The following SEC16B variants were observed in gnomAD, a reference collection of about 807,000 sequenced individuals.
The protein encoded by SEC16B is protein transport protein Sec16B.
In SEC16B, 115 loss-of-function variants were observed where a neutral mutation model predicts 141.8. The ratio of observed to expected loss-of-function variants is 0.81; its 90% CI spans 0.70 to 0.95. SEC16B has a LOEUF of 0.95. Ranked by LOEUF, SEC16B falls within the 40% of genes least tolerant of loss-of-function variation. SEC16B has a pLI of 0.00. For missense variants in SEC16B, 1,291 were observed against 1,312.3 expected (o/e 0.98, Z 0.25); for synonymous variants, 493 against 492.5 (o/e 1.00, Z -0.01).
chr1:177,942,225 A>T (rs1326211713), intron 15 of SEC16B, among the ~76,000 whole-genome samples, 185 bp from the exon 16 acceptor site: 1 of 152,238 alleles, frequency 6.6e-6, no homozygotes, highest in African/African-American at 2.4e-5. Context: ...TCCAGCCTGC[A>T]GTTCCTGCAT....
Position 177,965,130 on chromosome 1 carries a change from A to G in SEC16B, c.450T>C (p.Asp150=). The change falls in exon 4 of 26, where the codon GAT becomes GAC. Residue 150 remains aspartate (D), a synonymous_variant. Coordinates refer to ENST00000308284, the MANE Select transcript of SEC16B (RefSeq NM_033127.4). ...RQRSPYIWHE[D]YREQKYLDEH... ...CATCAAGGTACTTTTGCTCTCGGTAATCTTCGTGCCAGATATAAGGACTCC... is the reference window on the plus strand; with the variant it reads ...CATCAAGGTACTTTTGCTCTCGGTAGTCTTCGTGCCAGATATAAGGACTCC... 1 of 1,613,586 alleles carries G rather than the reference A, an allele frequency of 6.2e-7. No homozygotes were observed. Among genetic ancestry groups the G allele is most frequent in the East Asian group, 2.2e-5 (1 of 44,870 alleles).
rs760397098 is a variant in SEC16B at position 177,939,702 on chromosome 1, CTGT to C, written c.2200_2202del (p.Thr734del). On this transcript the variant is annotated inframe_deletion and splice_region_variant, in exon 18 of 26. Transcript: ENST00000308284. Reference sequence around the variant, plus strand: ...ATGCTCAGTTCATCATTTTGGGTACCTGTTGTTGTTCCTCCGGCTCCCGAAATA... The same window carrying C: ...ATGCTCAGTTCATCATTTTGGGTACCTGTTGTTCCTCCGGCTCCCGAAATA... 10 of 1,587,750 alleles carry C rather than the reference CTGT, an allele frequency of 6.3e-6. No individual in the cohort carries two copies. The highest frequency in any genetic ancestry group is 7.7e-6 in the Non-Finnish European group (9 of 1,164,630).
intron 10 of SEC16B, among the ~76,000 whole-genome samples, chr1:177,957,581 A>C (rs886912293): frequency 6.6e-6 from 1 of 152,176 alleles, no homozygotes; most frequent in African/African-American, 2.4e-5. Flanking sequence ...ATATTTTGGT[A>C]CAGGCATGCA....
At chr1:177,953,704 C>A (rs574083521) in intron 11 of SEC16B, among the ~76,000 whole-genome samples, 11 of 152,334 alleles carry the variant, frequency 7.2e-5, no homozygotes, top group Non-Finnish European at 1.5e-4. Flanking sequence ...TCCACGCTGG[C>A]ACCCAGATCA....
At position 177,965,997 on chromosome 1, in the gene SEC16B, T is replaced by A. The variant is rs766390904; in HGVS notation, c.308A>T (p.Tyr103Phe). 1 of 1,572,662 alleles carries A rather than the reference T, an allele frequency of 6.4e-7. No individual in the cohort carries two copies. The highest frequency in any genetic ancestry group is 8.7e-7 in the Non-Finnish European group (1 of 1,154,024). Residue 103 changes from tyrosine to phenylalanine, a missense_variant, in exon 3 of 26, where the codon TAT (tyrosine) becomes TTT (phenylalanine). Physicochemically the swap from Tyr to Phe is conservative, Grantham distance 22 (BLOSUM62 3). Transcript: ENST00000308284. ...YRNQLYSRPGYENSYQSYQSP... is the reference protein window; with the variant it reads ...YRNQLYSRPGFENSYQSYQSP... ...CTGATAGCTCTGATATGAATTCTCA[T>A]AACCTGGCCTAAAATATCACAAAGA...
In SEC16B at chr1:177,933,331, A is replaced by G; in HGVS notation, c.2725-19T>C. The G allele has an allele frequency of 6.3e-7, 1 of 1,584,880 alleles. No homozygotes were observed. The highest frequency in any genetic ancestry group is 8.6e-7 in the Non-Finnish European group (1 of 1,164,808). ...CTGAGCTCTGGAAGGGGAAGAGGAC[A>G]TTTTATGACCTGCAGGTTGGCTTCT... On this transcript the variant is annotated intron_variant, in intron 21 of 25. Coordinates refer to ENST00000308284, the MANE Select transcript of SEC16B (RefSeq NM_033127.4).
chr1:177,954,181 T>A, intron 11 of SEC16B, 98 bp downstream of exon 11: 1 of 786,048 alleles, frequency 1.3e-6, no homozygotes, highest in Non-Finnish European at 2.1e-6. Context: ...AGTGTGAGTC[T>A]CCTTAGCGCG....
At chr1:177,978,105 C>T (rs1654248991) in intron 1 of SEC16B, among the ~76,000 whole-genome samples, 1 of 152,150 alleles carries the variant, frequency 6.6e-6, no homozygotes, top group South Asian at 2.1e-4. Context: ...ATTGAGAGCT[C>T]AGGCTTTGCA....
At chr1:177,930,506 G>T in intron 25 of SEC16B, 39 bp downstream of exon 25, 1 of 1,440,794 alleles carries the variant, frequency 6.9e-7, no homozygotes, top group Non-Finnish European at 9.7e-7. Flanking sequence ...TCCAAAACCT[G>T]TACTCCTGGC....
chr1:177,949,057 G>T (rs907177815), intron 12 of SEC16B, among the ~76,000 whole-genome samples: 1 of 151,984 alleles, frequency 6.6e-6, no homozygotes, highest in East Asian at 1.9e-4. Context: ...CTAAGATTTG[G>T]AGTTAAAACC....
chr1:177,939,684 G>A lies in SEC16B; in HGVS notation c.2203+18C>T, dbSNP rs1459526348. 2.6e-6 allele frequency: 4 copies of A among 1,559,982 alleles called. No homozygotes were observed. Among genetic ancestry groups the A allele is most frequent in the African/African-American group, 1.4e-5 (1 of 73,896 alleles). On this transcript the variant is annotated intron_variant, in intron 18 of 25. Transcript: ENST00000308284. ...TGAGCGTCAGCTATGTATATGCTCA[G>A]TTCATCATTTTGGGTACCTGTTGTT...
Position 177,967,906 on chromosome 1 carries a change from C to T in SEC16B, c.76G>A (p.Gly26Arg). The T allele has an allele frequency of 6.2e-7, 1 of 1,614,012 alleles. No individual in the cohort carries two copies. Among genetic ancestry groups the T allele is most frequent in the Non-Finnish European group, 8.5e-7 (1 of 1,179,888 alleles). The change falls in exon 2 of 26, where the codon GGG becomes AGG. Residue 26 changes from glycine (G) to arginine (R), a missense_variant. This residue lies in a region of SEC16B where 681 missense variants were observed against 675.5 expected (regional missense o/e 1.01). Transcript: ENST00000308284. ...ATAPSKDPDR[G>R]FRRDGHHRPV... Reference sequence around the variant, plus strand: ...CGATGATGTCCATCTCTCCGAAACCCTCGGTCTGGATCCTTTGAGGGTGCT... The same window carrying T: ...CGATGATGTCCATCTCTCCGAAACCTTCGGTCTGGATCCTTTGAGGGTGCT...
chr1:177,970,433 C>T (rs1485141125), upstream of SEC16B, among the ~76,000 whole-genome samples: 1 of 152,160 alleles, frequency 6.6e-6, no homozygotes, highest in Non-Finnish European at 1.5e-5. Context: ...GTTGGTAAAG[C>T]AGCACATGAT....
intron 15 of SEC16B, among the ~76,000 whole-genome samples, chr1:177,944,000 T>G (rs1651479648): frequency 6.6e-6 from 1 of 152,172 alleles, no homozygotes; most frequent in Non-Finnish European, 1.5e-5. Context: ...GAATGTAAGG[T>G]GACAACAGCA....
chr1:177,975,330 C>T (rs1654129808), intron 1 of SEC16B, among the ~76,000 whole-genome samples: 1 of 152,154 alleles, frequency 6.6e-6, no homozygotes, highest in Non-Finnish European at 1.5e-5. Flanking sequence ...TGAATGGACA[C>T]CTTAAATGTA....
rs115831315 is a variant in SEC16B at position 177,950,271 on chromosome 1, G to T, written c.1545+1643C>A. 8.1e-3 allele frequency among the ~76,000 whole-genome samples: 1,232 copies of T among 152,222 alleles called. 21 individuals are homozygous for T. The highest frequency in any genetic ancestry group is 0.028 in the African/African-American group (1,176 of 41,514). ...CAAAAGTAATGGAGATTGGACAGACGTGCCTCCATGTCCCGGGAAGCCAAG... is the reference window on the plus strand; with the variant it reads ...CAAAAGTAATGGAGATTGGACAGACTTGCCTCCATGTCCCGGGAAGCCAAG... On this transcript the variant is annotated intron_variant, in intron 12 of 25. Coordinates refer to ENST00000308284, the MANE Select transcript of SEC16B (RefSeq NM_033127.4).
intron 12 of SEC16B, 25 bp from the exon 13 acceptor site, chr1:177,947,967 T>C (rs201730797): frequency 2.7e-6 from 4 of 1,482,448 alleles, no homozygotes; most frequent in African/African-American, 2.8e-5. Context: ...AAAAAATAAA[T>C]GTACAATCAT....
At position 177,937,249 on chromosome 1, in the gene SEC16B, A is replaced by G; in HGVS notation, c.2468T>C (p.Val823Ala). 1.2e-5 allele frequency: 19 copies of G among 1,613,476 alleles called. No individual in the cohort carries two copies. The highest frequency in any genetic ancestry group is 1.6e-5 in the Non-Finnish European group (19 of 1,179,754). Residue 823 changes from valine to alanine, a missense_variant, in exon 19 of 26, where the codon GTC (valine) becomes GCC (alanine). Physicochemically the swap from Val to Ala is moderately conservative, Grantham distance 64 (BLOSUM62 0). This residue lies in a region of SEC16B where 605 missense variants were observed against 614.1 expected (regional missense o/e 0.99). Transcript: ENST00000308284. ...VAVTEATGGT[V>A]WEEMLQTHLG... ...GTGTGTCTGCAGCATTTCCTCCCAG[A>G]CTGTTCCTCCAGTGGCCTCTGTCAC...
rs1174508918 is a variant in SEC16B, at chr1:177,941,900, C to A, written c.2022G>T (p.Lys674Asn). 6.2e-7 allele frequency: 1 copy of A among 1,613,646 alleles called. No individual in the cohort carries two copies. Among genetic ancestry groups the A allele is most frequent in the Non-Finnish European group, 8.5e-7 (1 of 1,179,736 alleles). The change falls in exon 16 of 26, where the codon AAG becomes AAT. Residue 674 changes from lysine to asparagine, a missense_variant and splice_region_variant. This residue lies in a region of SEC16B where 605 missense variants were observed against 614.1 expected (regional missense o/e 0.99). Transcript: ENST00000308284. ...GCACAGAACCCTTTGAGAGGCTCAC[C>A]TTGATGAGTTCCACTAATAGCACAG... ...SHPVLLVELI[K>N]LAEKLKLSDP...
Sources: allele counts gnomAD v4.1 joint callset (sites outside exome capture counted in the v4.1 genomes callset), GRCh38; gene constraint gnomAD v4.1.1; regional missense constraint gnomAD v4.1.1; transcripts MANE v1.5; gene names NCBI Gene and HGNC (gene_info 2026-07-23, HGNC 2026-07-21).